Variants in PRKN observed in about 807,000 individuals in gnomAD.
PRKN encodes parkin RBR E3 ubiquitin protein ligase, also known as E3 ubiquitin-protein ligase parkin.
A neutral mutation model predicts 59.5 loss-of-function variants in PRKN; 56 were observed. The observed-to-expected ratio is 0.94, with a 90% CI of 0.76 to 1.18. The LOEUF (loss-of-function observed/expected upper bound fraction) is 1.18, where lower values mean the gene tolerates loss of function less well. Ranked by LOEUF, PRKN falls within the 50% of genes most tolerant of loss-of-function variation. The pLI, the probability that PRKN is intolerant of heterozygous loss-of-function variation, is 0.00. For missense variants in PRKN, 657 were observed against 596.4 expected, an observed-to-expected ratio of 1.10 and a Z score of -1.06; for synonymous variants, 250 against 222.1, an observed-to-expected ratio of 1.13 and a Z score of -1.12.
intron 6 of PRKN, among the ~76,000 whole-genome samples, chr6:161,884,926 C>T (rs190137695): frequency 1.2e-3 from 178 of 151,184 alleles, no homozygotes; most frequent in African/African-American, 4.2e-3. Context: ...AAGAATAGCA[C>T]TAGACACATA....
At chr6:161,838,857 T>C (rs933218915) in intron 6 of PRKN, among the ~76,000 whole-genome samples, 1 of 152,196 alleles carries the variant, frequency 6.6e-6, no homozygotes, top group African/African-American at 2.4e-5. Context: ...GACCGAGTTA[T>C]AGGTCAAGGT....
intron 6 of PRKN, among the ~76,000 whole-genome samples, chr6:161,894,119 A>C (rs1777519212): frequency 6.6e-6 from 1 of 152,162 alleles, no homozygotes; most frequent in Non-Finnish European, 1.5e-5. Context: ...TCACCATTGG[A>C]GACTTTTCTG....
rs2076633455 is a variant in PRKN, at chr6:161,540,432, T to C, written c.1083+8422A>G. Among the ~76,000 whole-genome samples, 3 of 152,318 alleles carry C rather than the reference T, an allele frequency of 2.0e-5. 1 individual carries two copies. The highest frequency in any genetic ancestry group is 4.1e-4 in the South Asian group (2 of 4,828). ...TTAAACCCATAAAAATATATATCAA[T>C]GGCAGTGTTAGAAAGAAAAAGATTT... is the stretch of plus-strand genomic sequence containing the variant. On this transcript the variant is annotated intron_variant, in intron 9 of 11. Transcript: ENST00000366898.
Position 161,526,401 on chromosome 6 carries a change from C to A in PRKN, c.1083+22453G>T, listed in dbSNP as rs1779017196. On this transcript the variant is annotated intron_variant, in intron 9 of 11. Transcript: ENST00000366898. This position sits in a 1 kb window ranked among gnomAD's most constrained non-coding sequence, Gnocchi z 4.1. The stretch of plus-strand genomic sequence containing the variant: ...CTTACTTTGAAAAGTACCTAAGCTA[C>A]AACAATGGGCAAAAAGTTTCTCGAA... Among the ~76,000 whole-genome samples, 2 of 152,140 alleles carry A rather than the reference C, an allele frequency of 1.3e-5. No homozygotes were observed. The highest frequency in any genetic ancestry group is 1.9e-4 in the East Asian group (1 of 5,196).
At chr6:162,322,453 G>A (rs1783072156) in intron 2 of PRKN, among the ~76,000 whole-genome samples, 3 of 152,070 alleles carry the variant, frequency 2.0e-5, no homozygotes, top group South Asian at 2.1e-4. Flanking sequence ...AGATTCATGT[G>A]ACAATGCAGA....
chr6:161,883,032 CAA>C (rs757091437), intron 6 of PRKN, among the ~76,000 whole-genome samples: 86 of 139,686 alleles, frequency 6.2e-4, no homozygotes, highest in Middle Eastern at 3.5e-3. Context: ...ACAACAACAA[CAA>C]AAAAAAACCA....
intron 5 of PRKN, among the ~76,000 whole-genome samples, chr6:162,028,784 T>A (rs186666778): frequency 6.6e-6 from 1 of 152,240 alleles, no homozygotes; most frequent in East Asian, 1.9e-4. Flanking sequence ...GGGGGACCCG[T>A]AGCAAAGCCA....
At chr6:162,485,486 T>C (rs763668809) in intron 1 of PRKN, among the ~76,000 whole-genome samples, 1 of 152,198 alleles carries the variant, frequency 6.6e-6, no homozygotes, top group Non-Finnish European at 1.5e-5. Flanking sequence ...TAGACTTAAA[T>C]GTTACAGCAG....
At chr6:162,555,776 A>AG (rs1347568844) in intron 1 of PRKN, among the ~76,000 whole-genome samples, 3 of 152,138 alleles carry the variant, frequency 2.0e-5, no homozygotes, top group Non-Finnish European at 2.9e-5. Flanking sequence ...GGATCACCTG[A>AG]GGTCAGAAGC....
chr6:161,774,480 G>A (rs990012384), intron 7 of PRKN, among the ~76,000 whole-genome samples: 1 of 151,708 alleles, frequency 6.6e-6, no homozygotes, highest in Non-Finnish European at 1.5e-5. Context: ...TACAAGGAAC[G>A]TGGAAATAAG....
chr6:162,685,317 G>A (rs1340315270), intron 1 of PRKN, among the ~76,000 whole-genome samples: 3 of 152,074 alleles, frequency 2.0e-5, no homozygotes, highest in Admixed American at 1.3e-4. Flanking sequence ...GATATACTGT[G>A]TTTTAAAACT....
chr6:162,536,308 T>C (rs1778716911), intron 1 of PRKN, among the ~76,000 whole-genome samples: 1 of 152,270 alleles, frequency 6.6e-6, no homozygotes, highest in South Asian at 2.1e-4. Context: ...AAGGTGTTAT[T>C]TTCTATTCTA....
In PRKN at chr6:161,497,146, G is replaced by A. The variant is rs551596716; in HGVS notation, c.1083+51708C>T. Among the ~76,000 whole-genome samples the A allele has an allele frequency of 1.1e-4, 17 of 152,320 alleles. No homozygotes were observed. Among genetic ancestry groups the A allele is most frequent in the African/African-American group, 3.8e-4 (16 of 41,574 alleles). ...GTCAGCCCACAGGCCAGGGCCAGGC[G>A]GCATTGCTGGCTAGTGGCCTGCAGG... On this transcript the variant is annotated intron_variant, in intron 9 of 11. Transcript: ENST00000366898. This position sits in a 1 kb window ranked among gnomAD's most constrained non-coding sequence, Gnocchi z 4.6.
rs1789415965 is a variant in PRKN at position 161,444,929 on chromosome 6, C to G, written c.1084-58052G>C. ...ATTTTTAAAAAAAGCCAGTACCTCT[C>G]CAGTCTTCATTTTCATTTATCCTTA... On this transcript the variant is annotated intron_variant, in intron 9 of 11. Coordinates refer to ENST00000366898, the MANE Select transcript of PRKN (RefSeq NM_004562.3). The surrounding 1 kb of genome is among the most constrained non-coding windows in gnomAD (Gnocchi z 5.6). 6.6e-6 allele frequency among the ~76,000 whole-genome samples: 1 copy of G among 152,154 alleles called. No homozygotes were observed.
chr6:162,083,588 A>G (rs1425660480), intron 4 of PRKN, among the ~76,000 whole-genome samples: 1 of 152,120 alleles, frequency 6.6e-6, no homozygotes, highest in Non-Finnish European at 1.5e-5. Context: ...TTCCAAAAAG[A>G]GAAATAATTT....
In PRKN at chr6:161,785,835, TCA is replaced by T; in HGVS notation, c.806_807del (p.Val269AspfsTer5). ...ACAAACTGCCGATCATTGAGTCTTG[TCA>T]CACAGTATAAGTGGAAACAGTCTAA... ...ICLDCFHLYC[V>X]TRLNDRQFVH... On this transcript the variant is annotated frameshift_variant, in exon 7 of 12. Coordinates refer to ENST00000366898, the MANE Select transcript of PRKN (RefSeq NM_004562.3). LOFTEE classifies it high-confidence loss of function. The T allele has an allele frequency of 1.2e-6, 2 of 1,614,156 alleles. No individual in the cohort carries two copies. Among genetic ancestry groups the T allele is most frequent in the Non-Finnish European group, 1.7e-6 (2 of 1,180,012 alleles).
intron 4 of PRKN, among the ~76,000 whole-genome samples, chr6:162,059,931 T>G (rs897959266): frequency 6.6e-6 from 1 of 152,206 alleles, no homozygotes; most frequent in Non-Finnish European, 1.5e-5. Flanking sequence ...TCGTGACACA[T>G]GAAAACTATG....
At chr6:162,626,543 T>C (rs1782903955) in intron 1 of PRKN, among the ~76,000 whole-genome samples, 1 of 152,136 alleles carries the variant, frequency 6.6e-6, no homozygotes, top group African/African-American at 2.4e-5. Context: ...AGGCCGGGTA[T>C]GGTGGCTCAG....
At chr6:161,876,899 C>T (rs1794751687) in intron 6 of PRKN, among the ~76,000 whole-genome samples, 1 of 152,072 alleles carries the variant, frequency 6.6e-6, no homozygotes, top group African/African-American at 2.4e-5. Flanking sequence ...ATATTCAATT[C>T]AAAATGTCAA....
Sources: allele counts gnomAD v4.1 joint callset (sites outside exome capture counted in the v4.1 genomes callset), GRCh38; gene constraint gnomAD v4.1.1; non-coding constraint Gnocchi (gnomAD v3.1); transcripts MANE v1.5; gene names NCBI Gene and HGNC (gene_info 2026-07-23, HGNC 2026-07-21).